Variants in OPCML observed in about 807,000 individuals in gnomAD.
The protein encoded by OPCML is opioid-binding protein/cell adhesion molecule.
OPCML carries 13 observed loss-of-function variants against 37.8 expected under a neutral mutation model. The observed-to-expected ratio is 0.34, with a 90% CI of 0.22 to 0.55. OPCML has a LOEUF of 0.55. OPCML is among the 20% of genes least tolerant of loss of function. OPCML has a pLI of 0.91. For synonymous variants in OPCML, 176 were observed against 168.8 expected, an observed-to-expected ratio of 1.04 and a Z score of -0.33; for missense variants, 341 against 435.6, an observed-to-expected ratio of 0.78 and a Z score of 1.93.
intron 1 of OPCML, among the ~76,000 whole-genome samples, chr11:133,250,317 C>T (rs1446077798): frequency 6.6e-6 from 1 of 151,720 alleles, no homozygotes; most frequent in East Asian, 1.9e-4. Flanking sequence ...TCCTATAATT[C>T]TATATCAGCC....
chr11:132,562,432 GAC>G (rs1022107940), intron 3 of OPCML, among the ~76,000 whole-genome samples: 1 of 150,782 alleles, frequency 6.6e-6, no homozygotes, highest in Non-Finnish European at 1.5e-5. Context: ...ACATTTTTAT[GAC>G]TAAGAGGGAA....
intron 1 of OPCML, among the ~76,000 whole-genome samples, chr11:133,003,016 T>G (rs1441734222): frequency 6.6e-6 from 1 of 152,150 alleles, no homozygotes; most frequent in East Asian, 1.9e-4. Flanking sequence ...CACAAAATCT[T>G]AAGTCCAATT....
chr11:132,988,785 T>A (rs1591884395), intron 1 of OPCML, among the ~76,000 whole-genome samples: 2 of 152,236 alleles, frequency 1.3e-5, no homozygotes, highest in African/African-American at 4.8e-5. Flanking sequence ...GGACTAATTA[T>A]CTCAATTAGA....
chr11:133,306,370 T>C (rs1260342000), intron 1 of OPCML, among the ~76,000 whole-genome samples: 1 of 152,208 alleles, frequency 6.6e-6, no homozygotes, highest in Non-Finnish European at 1.5e-5. Context: ...AATGACAATG[T>C]CATAACCAAA....
intron 1 of OPCML, among the ~76,000 whole-genome samples, chr11:133,035,608 C>T (rs565912348): frequency 9.2e-5 from 14 of 152,166 alleles, no homozygotes; most frequent in South Asian, 2.1e-4. Context: ...TTCTCTTTCA[C>T]GCCCTATTCT....
rs1383468182 is a variant in OPCML, at chr11:133,174,539, CTG to C, written c.62-231531_62-231530del. On this transcript the variant is annotated intron_variant, in intron 1 of 7. Coordinates refer to ENST00000524381, the MANE Select transcript of OPCML (RefSeq NM_001012393.5). This position sits in a 1 kb window ranked among gnomAD's most constrained non-coding sequence, Gnocchi z 4.6. ...ATAATAGTGGAGGACTGGAAGCAAC[CTG>C]CATACCCAAAAATAGTCGAAAAGAG... 6.6e-6 allele frequency among the ~76,000 whole-genome samples: 1 copy of C among 151,422 alleles called. No individual in the cohort carries two copies. Among genetic ancestry groups the C allele is most frequent in the Non-Finnish European group, 1.5e-5 (1 of 67,952 alleles).
intron 3 of OPCML, among the ~76,000 whole-genome samples, chr11:132,627,120 G>T (rs546813504): frequency 6.6e-6 from 1 of 152,086 alleles, no homozygotes; most frequent in South Asian, 2.1e-4. Flanking sequence ...TTACTGAATT[G>T]CTTACAAAAC....
In OPCML at chr11:132,633,174, T is replaced by G. The variant is rs1463692713; in HGVS notation, c.379+23913A>C. On this transcript the variant is annotated intron_variant, in intron 3 of 7. Transcript: ENST00000524381. ...TGCTGCCAGTAACAGAGCACCCAAC[T>G]GTTGGTGTTTGAGGGGGACAATCGG... Among the ~76,000 whole-genome samples, 6 of 152,058 alleles carry G rather than the reference T, an allele frequency of 3.9e-5. No homozygotes were observed. The South Asian group carries it at 1.2e-3, about 32-fold the overall frequency.
chr11:132,951,067 C>T (rs1945848561), intron 1 of OPCML, among the ~76,000 whole-genome samples: 1 of 152,138 alleles, frequency 6.6e-6, no homozygotes, highest in Non-Finnish European at 1.5e-5. Flanking sequence ...AAACACAGGG[C>T]AGTCGGGCGT....
intron 1 of OPCML, among the ~76,000 whole-genome samples, chr11:133,015,163 G>A (rs1168797018): frequency 6.6e-6 from 1 of 152,064 alleles, no homozygotes; most frequent in Non-Finnish European, 1.5e-5. Flanking sequence ...TAGATAGGCA[G>A]GTTGGAAAAT....
rs76120490 is a variant in OPCML, at chr11:132,786,109, C to A, written c.147-128790G>T. 2.2e-3 allele frequency among the ~76,000 whole-genome samples: 331 copies of A among 152,270 alleles called. 2 individuals are homozygous for A. Among genetic ancestry groups the A allele is most frequent in the African/African-American group, 7.7e-3 (318 of 41,556 alleles). On this transcript the variant is annotated intron_variant, in intron 2 of 7. Coordinates refer to ENST00000524381, the MANE Select transcript of OPCML (RefSeq NM_001012393.5). Reference sequence around the variant, plus strand: ...CCCGCTTTCCACCTCCAGCTGCTCTCCTTACAGACCAGCAGGGCTTGTAGA... The same window carrying A: ...CCCGCTTTCCACCTCCAGCTGCTCTACTTACAGACCAGCAGGGCTTGTAGA...
At chr11:133,305,723 G>A (rs1314323035) in intron 1 of OPCML, among the ~76,000 whole-genome samples, 2 of 152,226 alleles carry the variant, frequency 1.3e-5, no homozygotes. Context: ...CATGTTCCCA[G>A]AGCATCCTGG....
intron 1 of OPCML, among the ~76,000 whole-genome samples, chr11:133,525,844 G>A (rs951557804): frequency 6.6e-6 from 1 of 152,196 alleles, no homozygotes; most frequent in African/African-American, 2.4e-5. Flanking sequence ...CTAAGTGCAA[G>A]GAGCCATTCC....
At chr11:132,654,327 GAGA>G (rs1941584564) in intron 3 of OPCML, among the ~76,000 whole-genome samples, 1 of 151,990 alleles carries the variant, frequency 6.6e-6, no homozygotes, top group South Asian at 2.1e-4. Context: ...TCCTCCCGAA[GAGA>G]AGATCTTCCC....
At chr11:133,006,482 GTT>G (rs1181015786) in intron 1 of OPCML, 5 of 985,404 alleles carry the variant, frequency 5.1e-6, no homozygotes, top group Middle Eastern at 5.2e-4. Context: ...AAGAAAGAAA[GTT>G]TTATCTCCTT....
At chr11:133,322,694 C>T (rs1262107697) in intron 1 of OPCML, among the ~76,000 whole-genome samples, 1 of 152,158 alleles carries the variant, frequency 6.6e-6, no homozygotes, top group African/African-American at 2.4e-5. Context: ...TTAAAACTGA[C>T]AATATAGGAG....
rs116195000 is a variant in OPCML, at chr11:132,598,948, C to G, written c.379+58139G>C. ...TTTGAGGAAGAGGCTTTACTAGTTC[C>G]GTGATCAACTTTGTCACTATTCAGC... On this transcript the variant is annotated intron_variant, in intron 3 of 7. Transcript: ENST00000524381. Among the ~76,000 whole-genome samples, 1,082 of 152,210 alleles carry G rather than the reference C, an allele frequency of 7.1e-3. 14 individuals are homozygous for G. The highest frequency in any genetic ancestry group is 0.024 in the African/African-American group (1,009 of 41,528).
chr11:132,675,403 T>C lies in OPCML; in HGVS notation c.147-18084A>G, dbSNP rs529239229. On this transcript the variant is annotated intron_variant, in intron 2 of 7. Transcript: ENST00000524381. ...CCTTTCTTATCCAGGAACACAAACA[T>C]TTCTATTCAAAATTGTATTTAAGCT... is the stretch of plus-strand genomic sequence containing the variant. Among the ~76,000 whole-genome samples the C allele has an allele frequency of 3.3e-3, 499 of 152,052 alleles. 3 individuals carry two copies. The highest frequency in any genetic ancestry group is 0.021 in the South Asian group (100 of 4,814).
chr11:133,075,006 G>A (rs1948599521), intron 1 of OPCML, among the ~76,000 whole-genome samples: 1 of 152,126 alleles, frequency 6.6e-6, no homozygotes. Context: ...GCAAGTACTG[G>A]GGGACAGGAG....
Sources: allele counts gnomAD v4.1 joint callset (sites outside exome capture counted in the v4.1 genomes callset), GRCh38; gene constraint gnomAD v4.1.1; non-coding constraint Gnocchi (gnomAD v3.1); transcripts MANE v1.5; gene names NCBI Gene and HGNC (gene_info 2026-07-23, HGNC 2026-07-21).